The following SLIT1 variants were observed in gnomAD, a reference collection of about 807,000 sequenced individuals.
The protein encoded by SLIT1 is slit homolog 1 protein.
Under a neutral mutation model 186.1 loss-of-function variants are expected in SLIT1, and 66 were observed. The observed-to-expected ratio is 0.35, with a 90% confidence interval of 0.29 to 0.44. SLIT1 has a LOEUF of 0.44. Ranked by LOEUF, SLIT1 falls within the 20% of genes least tolerant of loss-of-function variation. SLIT1 has a pLI of 1.00. For missense variants in SLIT1, 1,638 were observed against 2,037.4 expected (o/e 0.80, Z 3.77); for synonymous variants, 761 against 833.8 (o/e 0.91, Z 1.50).
chr10:97,060,650 T>C lies in SLIT1; in HGVS notation c.931A>G (p.Met311Val). The change falls in exon 9 of 37, where the codon ATG (methionine) becomes GTG (valine). Residue 311 changes from methionine (M) to valine (V), a missense_variant. Physicochemically the swap from Met to Val is conservative, Grantham distance 21. Around this residue, in one of 3 missense-constraint regions of SLIT1, gnomAD observed 1,245 missense variants for 1,535.3 expected, o/e 0.81. Transcript: ENST00000266058. ...CTGCCCCGTACTCACATCTCCGTCATGGTCTCGGGCAGGTTGGCCGGGATG... is the reference window on the plus strand; with the variant it reads ...CTGCCCCGTACTCACATCTCCGTCACGGTCTCGGGCAGGTTGGCCGGGATG... ...TAIPANLPET[M>V]TEIRLELNGI... 6.2e-7 allele frequency: 1 copy of C among 1,613,036 alleles called. No individual in the cohort carries two copies. Among genetic ancestry groups the C allele is most frequent in the Non-Finnish European group, 8.5e-7 (1 of 1,180,026 alleles).
At chr10:97,036,732 ACTT>A (rs1410756164) in intron 22 of SLIT1, among the ~76,000 whole-genome samples, 3 of 152,172 alleles carry the variant, frequency 2.0e-5, no homozygotes, top group Non-Finnish European at 4.4e-5. Flanking sequence ...TGTTCTCTGG[ACTT>A]CTTTTTGGTA....
intron 4 of SLIT1, among the ~76,000 whole-genome samples, chr10:97,098,044 T>C (rs1203361513): frequency 6.6e-6 from 1 of 152,240 alleles, no homozygotes; most frequent in Non-Finnish European, 1.5e-5. Context: ...AAAATTCTGA[T>C]TGCGCTGCCA....
At chr10:97,048,286 C>T (rs113990763) in intron 14 of SLIT1, among the ~76,000 whole-genome samples, 4,077 of 152,260 alleles carry the variant, frequency 0.027, 189 homozygotes, top group African/African-American at 0.091. Context: ...CAGGTGGGGA[C>T]GGGGTACAGG....
chr10:97,163,051 C>G (rs182375650), intron 3 of SLIT1, among the ~76,000 whole-genome samples: 1 of 152,316 alleles, frequency 6.6e-6, no homozygotes, highest in East Asian at 1.9e-4. Flanking sequence ...CAATGGACAG[C>G]GGTTATGTCA....
At chr10:97,117,558 G>T (rs1259839526) in intron 4 of SLIT1, among the ~76,000 whole-genome samples, 2 of 152,182 alleles carry the variant, frequency 1.3e-5, no homozygotes, top group Non-Finnish European at 2.9e-5. Flanking sequence ...AGGCTCTATA[G>T]CATACTACTG....
At chr10:97,048,800 C>T (rs976142127) in intron 14 of SLIT1, among the ~76,000 whole-genome samples, 155 bp downstream of exon 14, 4 of 149,824 alleles carry the variant, frequency 2.7e-5, no homozygotes, top group East Asian at 2.0e-4. Context: ...GGTGGGTAGG[C>T]GGGCAGGTAT....
chr10:97,046,945 C>G, intron 17 of SLIT1, 46 bp downstream of exon 17: 1 of 1,567,710 alleles, frequency 6.4e-7, no homozygotes, highest in Non-Finnish European at 8.8e-7. Flanking sequence ...TTGTCCATCC[C>G]TGGCCAGCAT....
chr10:97,055,362 T>C (rs957322352), intron 13 of SLIT1, among the ~76,000 whole-genome samples: 2 of 152,166 alleles, frequency 1.3e-5, no homozygotes, highest in African/African-American at 4.8e-5. Context: ...TCACCATACA[T>C]AGCACTCTGT....
chr10:97,012,075 TACAC>T (rs35171328), intron 30 of SLIT1, among the ~76,000 whole-genome samples: 21,719 of 130,546 alleles, frequency 0.17, 1,686 homozygotes, highest in Non-Finnish European at 0.18. Context: ...TCAAGCCCAG[TACAC>T]ACACACACAC....
At chr10:97,074,906 G>GC (rs1849032071) in intron 4 of SLIT1, among the ~76,000 whole-genome samples, 2 of 152,234 alleles carry the variant, frequency 1.3e-5, no homozygotes, top group Non-Finnish European at 1.5e-5. Flanking sequence ...CTGCTAATCT[G>GC]CCTTCACGCT....
intron 1 of SLIT1, among the ~76,000 whole-genome samples, chr10:97,167,897 C>T (rs1242123275): frequency 6.6e-6 from 1 of 152,316 alleles, no homozygotes; most frequent in African/African-American, 2.4e-5. Context: ...CCCCTTCCGC[C>T]ATGATTGTAA....
chr10:97,124,512 A>C (rs1849587240), intron 4 of SLIT1, among the ~76,000 whole-genome samples: 1 of 152,218 alleles, frequency 6.6e-6, no homozygotes. Context: ...CTGCAGGGTA[A>C]ACCTCTAACC....
At chr10:97,088,247 T>C (rs1198043752) in intron 4 of SLIT1, among the ~76,000 whole-genome samples, 1 of 152,194 alleles carries the variant, frequency 6.6e-6, no homozygotes, top group Non-Finnish European at 1.5e-5. Context: ...CCCTATCTTC[T>C]CTGTCCCTCA....
At chr10:97,165,058 C>T (rs1476071536) in intron 1 of SLIT1, among the ~76,000 whole-genome samples, 168 bp from the exon 2 acceptor site, 1 of 152,112 alleles carries the variant, frequency 6.6e-6, no homozygotes, top group Non-Finnish European at 1.5e-5. Context: ...GCTGGGCCCT[C>T]TTCGCAGCTG....
intron 4 of SLIT1, among the ~76,000 whole-genome samples, chr10:97,078,841 C>G (rs112255943): frequency 4.6e-5 from 7 of 152,194 alleles, no homozygotes; most frequent in Non-Finnish European, 1.0e-4. Flanking sequence ...ACCTTGGAGG[C>G]CCCTGGTGAC....
chr10:97,185,014 G>A (rs750272217), intron 1 of SLIT1, among the ~76,000 whole-genome samples: 1 of 152,252 alleles, frequency 6.6e-6, no homozygotes, highest in Non-Finnish European at 1.5e-5. Context: ...CCACCCTGCT[G>A]CCCTTCGTCA....
At chr10:97,027,141 G>A (rs1196464141) in intron 25 of SLIT1, among the ~76,000 whole-genome samples, 3 of 152,206 alleles carry the variant, frequency 2.0e-5, no homozygotes, top group Non-Finnish European at 2.9e-5. Context: ...GGTAACTCCT[G>A]GCTAACCCTC....
At chr10:97,074,490 G>A (rs750961767) in intron 4 of SLIT1, among the ~76,000 whole-genome samples, 1 of 152,200 alleles carries the variant, frequency 6.6e-6, no homozygotes, top group Non-Finnish European at 1.5e-5. Flanking sequence ...AGGCAGGCAC[G>A]AGCAAGCACT....
chr10:97,139,826 T>G (rs557442315), intron 4 of SLIT1, among the ~76,000 whole-genome samples: 1 of 152,334 alleles, frequency 6.6e-6, no homozygotes, highest in African/African-American at 2.4e-5. Context: ...ACTGGGCCCT[T>G]GGCTCCAGCT....
Sources: allele counts gnomAD v4.1 joint callset (sites outside exome capture counted in the v4.1 genomes callset), GRCh38; gene constraint gnomAD v4.1.1; regional missense constraint gnomAD v4.1.1; transcripts MANE v1.5; gene names NCBI Gene and HGNC (gene_info 2026-07-23, HGNC 2026-07-21).